SPAG4: variants seen among roughly 807,000 people sequenced by gnomAD.
SPAG4 encodes sperm associated antigen 4.
Under a neutral mutation model 53.9 loss-of-function variants are expected in SPAG4, and 54 were observed. The ratio of observed to expected loss-of-function variants is 1.00; its 90% CI spans 0.80 to 1.26. The LOEUF is 1.26. Among genes scored for constraint, SPAG4 ranks in the 50% most tolerant of loss-of-function variants. The pLI, the probability that SPAG4 is intolerant of heterozygous loss-of-function variation, is 0.00. For missense variants in SPAG4, 548 were observed against 568.6 expected (o/e 0.96, Z 0.37); for synonymous variants, 246 against 237.4 (o/e 1.04, Z -0.33).
rs1294694006 is a variant in SPAG4 at position 35,619,288 on chromosome 20, G to A, written c.887G>A (p.Arg296Gln). ...CGCTTCAGCTTCTGGAACTACGCAC[G>A]GCCGCCCACGGTTATCCTGGAGGTG... ...WNRFSFWNYARPPTVILEPHV... is the reference protein window; with the variant it reads ...WNRFSFWNYAQPPTVILEPHV... The change falls in exon 9 of 12, where the codon CGG (arginine) becomes CAG (glutamine). Residue 296 changes from arginine (R) to glutamine (Q), a missense_variant. By Grantham distance (43) the Arg-to-Gln change is conservative. Coordinates refer to ENST00000374273, the MANE Select transcript of SPAG4 (RefSeq NM_003116.3). 1 of 1,613,866 alleles carries A rather than the reference G, an allele frequency of 6.2e-7. No individual in the cohort carries two copies. Among genetic ancestry groups the A allele is most frequent in the African/African-American group, 1.3e-5 (1 of 74,906 alleles).
chr20:35,617,392 CCT>C (rs1426879124), intron 2 of SPAG4, 126 bp from the exon 3 acceptor site: 1 of 1,003,554 alleles, frequency 1.0e-6, no homozygotes, highest in East Asian at 2.6e-5. Context: ...CCTAGCCGAC[CCT>C]CTCTTCCTGA....
Position 35,616,168 on chromosome 20 carries a change from G to C in SPAG4, c.165G>C (p.Pro55=). ...CCGAGGGCAGAAGAGCCCGGGGCCCGAGCTGCGGTGAGCCCGCCTTGAGCG... is the reference window on the plus strand; with the variant it reads ...CCGAGGGCAGAAGAGCCCGGGGCCCCAGCTGCGGTGAGCCCGCCTTGAGCG... ...GEPEGRRARG[P]SCGEPALSAG... The change falls in exon 1 of 12, where the codon CCG becomes CCC. Residue 55 remains proline, a synonymous_variant. Coordinates refer to ENST00000374273, the MANE Select transcript of SPAG4 (RefSeq NM_003116.3). 1 of 1,594,768 alleles carries C rather than the reference G, an allele frequency of 6.3e-7. No homozygotes were observed.
chr20:35,617,665 T>A lies in SPAG4; in HGVS notation c.476+79T>A, dbSNP rs969943024. On this transcript the variant is annotated intron_variant, in intron 3 of 11. Transcript: ENST00000374273. ...AGCAGGGCCGGAACCTTGCTGGCGC[T>A]TGAGCCGATTCAGATCTGATTGAGT... is the stretch of plus-strand genomic sequence containing the variant. 5 of 1,578,292 alleles carry A rather than the reference T, an allele frequency of 3.2e-6. No homozygotes were observed. The African/African-American group carries it at 6.7e-5, about 21-fold the overall frequency.
intron 1 of SPAG4, among the ~76,000 whole-genome samples, chr20:35,616,583 C>T (rs971987088): frequency 2.0e-5 from 3 of 150,862 alleles, no homozygotes; most frequent in Admixed American, 6.6e-5. Flanking sequence ...TTGGGTTCCA[C>T]CAAGATCTAA....
At chr20:35,619,505 G>T (rs2031502628) in intron 9 of SPAG4, 74 bp from the exon 10 acceptor site, 2 of 1,574,198 alleles carry the variant, frequency 1.3e-6, no homozygotes, top group Non-Finnish European at 1.7e-6. Context: ...ATGGGGTCGA[G>T]CTGAGGCCCG....
chr20:35,617,190 T>C lies in SPAG4; in HGVS notation c.359T>C (p.Leu120Pro), dbSNP rs1279834976. The C allele has an allele frequency of 1.2e-6, 2 of 1,602,350 alleles. No homozygotes were observed. Among genetic ancestry groups the C allele is most frequent in the Admixed American group, 1.7e-5 (1 of 58,592 alleles). ...GAGCCGCTCGACCTTCTCCCGACCC[T>C]GGATCTGAGGCAGGAGATGCCTCCC... is the stretch of plus-strand genomic sequence containing the variant. ...SEEPLDLLPTLDLRQEMPPPR... is the reference protein window; with the variant it reads ...SEEPLDLLPTPDLRQEMPPPR... Residue 120 changes from leucine (L) to proline (P), a missense_variant, in exon 2 of 12, where the codon CTG (leucine) becomes CCG (proline). By Grantham distance (98) the Leu-to-Pro change is moderately conservative (BLOSUM62 -3). Coordinates refer to ENST00000374273, the MANE Select transcript of SPAG4 (RefSeq NM_003116.3).
At position 35,619,561 on chromosome 20, in the gene SPAG4, C is replaced by T. The variant is rs1568900427; in HGVS notation, c.910-18C>T. Reference sequence around the variant, plus strand: ...CGCTCTGTCCGACGGTTCCGATGGTCCCTCCGCCCGCCTGCAGCCCCACGT... The same window carrying T: ...CGCTCTGTCCGACGGTTCCGATGGTTCCTCCGCCCGCCTGCAGCCCCACGT... On this transcript the variant is annotated intron_variant, in intron 9 of 11. Coordinates refer to ENST00000374273, the MANE Select transcript of SPAG4 (RefSeq NM_003116.3). The T allele has an allele frequency of 6.2e-7, 1 of 1,607,902 alleles. No homozygotes were observed. Among genetic ancestry groups the T allele is most frequent in the Non-Finnish European group, 8.5e-7 (1 of 1,175,918 alleles).
Position 35,616,272 on chromosome 20 carries a change from C to T in SPAG4, c.269C>T (p.Ala90Val). The T allele has an allele frequency of 6.7e-7, 1 of 1,493,720 alleles. No homozygotes were observed. Among genetic ancestry groups the T allele is most frequent in the Admixed American group, 2.5e-5 (1 of 40,784 alleles). 92.5% of individuals were successfully genotyped at this position (1,493,720 alleles called of 1,614,324 possible). A position where few individuals can be genotyped will look rare whatever the true frequency, so the allele number is the denominator to read the frequency against. ...PAPRSHNWQT[A>V]CGAATVRGGA... is the part of the protein sequence containing the mutation. ...CCTCGGAGCCACAACTGGCAGACAG[C>T]CTGTGGCGCGGCAACCGTGAGGGGC... Residue 90 changes from alanine (A) to valine (V), a missense_variant, in exon 1 of 12, where the codon GCC becomes GTC. Ala to Val is a moderately conservative substitution (Grantham distance 64, BLOSUM62 0). Transcript: ENST00000374273.
chr20:35,616,195 G>T lies in SPAG4; in HGVS notation c.192G>T (p.Ala64=). 6.3e-7 allele frequency: 1 copy of T among 1,588,220 alleles called. No homozygotes were observed. Among genetic ancestry groups the T allele is most frequent in the South Asian group, 1.1e-5 (1 of 88,756 alleles). The change falls in exon 1 of 12, where the codon GCG becomes GCT. Residue 64 remains alanine (A), a synonymous_variant. Coordinates refer to ENST00000374273, the MANE Select transcript of SPAG4 (RefSeq NM_003116.3). The part of the protein sequence containing the change: ...GPSCGEPALS[A]GVPGGTTWAG... ...GCTGCGGTGAGCCCGCCTTGAGCGC[G>T]GGAGTGCCCGGAGGAACCACATGGG...
intron 5 of SPAG4, 47 bp from the exon 6 acceptor site, chr20:35,618,403 G>A (rs773285382): frequency 6.2e-7 from 1 of 1,612,960 alleles, no homozygotes; most frequent in South Asian, 1.1e-5. Flanking sequence ...TAGGAGCAAG[G>A]ACGACGGGAG....
rs371035800 is a variant in SPAG4 at position 35,619,329 on chromosome 20, C to T, written c.909+19C>T. 3.8e-6 allele frequency: 6 copies of T among 1,596,070 alleles called. No individual in the cohort carries two copies. In the African/African-American group the frequency reaches 5.4e-5, roughly 14 times the overall value. ...CCTGGAGGTGAGTCTGGAAACATCCCGGGATGGGACCCCGGGCGGGACGCT... is the reference window on the plus strand; with the variant it reads ...CCTGGAGGTGAGTCTGGAAACATCCTGGGATGGGACCCCGGGCGGGACGCT... On this transcript the variant is annotated intron_variant, in intron 9 of 11. Coordinates refer to ENST00000374273, the MANE Select transcript of SPAG4 (RefSeq NM_003116.3).
chr20:35,619,160 T>C, intron 8 of SPAG4, 35 bp from the exon 9 acceptor site: 1 of 1,148,908 alleles, frequency 8.7e-7, no homozygotes, highest in South Asian at 1.2e-5. Context: ...CGGCAAGGCC[T>C]GGGAGCCTCT....
Position 35,615,899 on chromosome 20 carries a change from G to A in SPAG4, c.-105G>A, listed in dbSNP as rs990299622. Reference sequence around the variant, plus strand: ...CCGCGGGGCCTGCCGACTTCACGCAGGGTCCGTGGGGTCCCCGCGGCGCGC... The same window carrying A: ...CCGCGGGGCCTGCCGACTTCACGCAAGGTCCGTGGGGTCCCCGCGGCGCGC... On this transcript the variant is annotated 5_prime_UTR_variant, in exon 1 of 12. Coordinates refer to ENST00000374273, the MANE Select transcript of SPAG4 (RefSeq NM_003116.3). 2 of 1,136,508 alleles carry A rather than the reference G, an allele frequency of 1.8e-6. No individual in the cohort carries two copies. The highest frequency in any genetic ancestry group is 1.6e-5 in the African/African-American group (1 of 60,886). The allele number at this position is 1,136,508 out of a possible 1,614,324, so 70.4% of individuals were successfully genotyped here. A position where few individuals can be genotyped will look rare whatever the true frequency, so the allele number is the denominator to read the frequency against.
intron 3 of SPAG4, 46 bp downstream of exon 3, chr20:35,617,632 G>A (rs1316162740): frequency 6.2e-7 from 1 of 1,602,664 alleles, no homozygotes; most frequent in Non-Finnish European, 8.5e-7. Context: ...TCTTTGGAGG[G>A]GGTGGGGAGC....
rs779891353 is a variant in SPAG4, at chr20:35,619,199, C to T, written c.798C>T (p.Ala266=). 6 of 1,613,046 alleles carry T rather than the reference C, an allele frequency of 3.7e-6. No individual in the cohort carries two copies. Among genetic ancestry groups the T allele is most frequent in the South Asian group, 3.3e-5 (3 of 91,040 alleles). ...GGTTACTTCTCACTGTTCCAGGAGC[C>T]TCCATCGACCTGCAGAAGACATCCC... The part of the protein sequence containing the change: ...KPDYALSSVG[A]SIDLQKTSHD... The change falls in exon 9 of 12, where the codon GCC becomes GCT. Residue 266 remains alanine (A), a synonymous_variant. Transcript: ENST00000374273.
Position 35,618,498 on chromosome 20 carries a change from G to T in SPAG4, c.608+23G>T, listed in dbSNP as rs202050454. The T allele has an allele frequency of 1.2e-4, 196 of 1,613,588 alleles. 3 individuals are homozygous for T. In the East Asian group the frequency reaches 4.3e-3, roughly 36 times the overall value. ...AAGGTGAAAGAGGGCACCTAGGGTG[G>T]GAAATTGGGGGGCTCAAAGTTGCTT... On this transcript the variant is annotated intron_variant, in intron 6 of 11. Coordinates refer to ENST00000374273, the MANE Select transcript of SPAG4 (RefSeq NM_003116.3).
chr20:35,617,605 G>T lies in SPAG4; in HGVS notation c.476+19G>T. ...TGTACAGGTCAGAGGAAGGGACGCT[G>T]GCGCCCCAGGAACAGCTCTTTGGAG... On this transcript the variant is annotated intron_variant, in intron 3 of 11. Transcript: ENST00000374273. The T allele has an allele frequency of 6.2e-7, 1 of 1,608,052 alleles. No individual in the cohort carries two copies. The highest frequency in any genetic ancestry group is 1.1e-5 in the South Asian group (1 of 90,352).
intron 10 of SPAG4, among the ~76,000 whole-genome samples, chr20:35,620,362 G>A (rs978022740): frequency 6.6e-6 from 1 of 152,178 alleles, no homozygotes; most frequent in Middle Eastern, 3.4e-3. Flanking sequence ...TTTTTCCAAG[G>A]TAATACAACT....
At chr20:35,616,940 C>T in intron 1 of SPAG4, 196 bp from the exon 2 acceptor site, 1 of 585,794 alleles carries the variant, frequency 1.7e-6, no homozygotes, top group Non-Finnish European at 3.0e-6. Flanking sequence ...AGGAGACCAA[C>T]TCTTGACGGA....
Sources: gnomAD v4.1 joint callset for allele counts (sites outside exome capture counted in the v4.1 genomes callset) on GRCh38, gnomAD v4.1.1 for gene constraint, MANE v1.5 for transcripts, NCBI Gene and HGNC (gene_info 2026-07-23, HGNC 2026-07-21) for gene names.